The following OTUD5 variants were observed in gnomAD, a reference collection of about 807,000 sequenced individuals.
OTUD5 encodes OTU domain-containing protein 5.
In OTUD5, 2 loss-of-function variants were observed where a neutral mutation model predicts 36.3. The observed-to-expected ratio is 0.06, with a 90% confidence interval of 0.02 to 0.17. The LOEUF is 0.17. OTUD5 is among the 10% of genes least tolerant of loss of function. The pLI is 1.00. For missense variants in OTUD5, 233 were observed against 512.3 expected (o/e 0.45, Z 5.26); for synonymous variants, 234 against 214.9 (o/e 1.09, Z -0.78).
intron 1 of OTUD5, among the ~76,000 whole-genome samples, chrX:48,945,040 G>C (rs1249079878): frequency 9.3e-6 from 1 of 108,043 alleles, no homozygotes; most frequent in African/African-American, 3.4e-5. Context: ...AAAAAAAAGA[G>C]ATATACTCTA....
intron 5 of OTUD5, among the ~76,000 whole-genome samples, chrX:48,927,971 A>C (rs1455521590): frequency 1.8e-5 from 2 of 112,594 alleles, no homozygotes; most frequent in Non-Finnish European, 3.8e-5. Flanking sequence ...AGGAAGTCAC[A>C]AACACAATTC....
At position 48,953,761 on chromosome X, in the gene OTUD5, C is replaced by T. The variant is rs1229340707; in HGVS notation, c.594+3216G>A. On this transcript the variant is annotated intron_variant, in intron 1 of 8. Transcript: ENST00000376488. ...CCCTGACATCACCACCCACCCAGCA[C>T]CTGGACCCCAGAGTGCCAAAAAGAC... is the stretch of plus-strand genomic sequence containing the variant. Among the ~76,000 whole-genome samples, 3 of 111,330 alleles carry T rather than the reference C, an allele frequency of 2.7e-5. No homozygotes were observed. In the Admixed American group the frequency reaches 2.9e-4, roughly 11 times the overall value.
intron 1 of OTUD5, among the ~76,000 whole-genome samples, chrX:48,950,048 G>A (rs1557053403): frequency 3.7e-5 from 4 of 107,071 alleles, no homozygotes; most frequent in Non-Finnish European, 7.7e-5. Context: ...ACTCAGGAGG[G>A]TGAGGCAGGA....
intron 5 of OTUD5, among the ~76,000 whole-genome samples, chrX:48,930,619 T>G (rs2147561660): frequency 8.9e-6 from 1 of 112,013 alleles, no homozygotes; most frequent in African/African-American, 3.2e-5. Flanking sequence ...ACCTAGGTCT[T>G]GATTTCTGTT....
At chrX:48,935,162 G>T in intron 2 of OTUD5, 144 bp from the exon 3 acceptor site, 1 of 556,030 alleles carries the variant, frequency 1.8e-6, no homozygotes. Flanking sequence ...TCTTGCCCTT[G>T]TAGGCTAGAA....
intron 8 of OTUD5, 59 bp from the exon 9 acceptor site, chrX:48,923,354 C>T (rs908221415): frequency 1.4e-5 from 13 of 950,351 alleles, no homozygotes; most frequent in Admixed American, 4.7e-5. Flanking sequence ...GCCTTCTCCT[C>T]ACCCTGTGCC....
In OTUD5 at chrX:48,930,271, G is replaced by A. The variant is rs185201802; in HGVS notation, c.1059+4193C>T. On this transcript the variant is annotated intron_variant, in intron 5 of 8. Transcript: ENST00000376488. ...ATAAAGTTGTTTCCCACGGGGGTAC[G>A]GGTGAACAAGTGTGATTCTGCTACG... is the stretch of plus-strand genomic sequence containing the variant. Among the ~76,000 whole-genome samples, 35 of 111,875 alleles carry A rather than the reference G, an allele frequency of 3.1e-4. 1 individual carries two copies. Among genetic ancestry groups the A allele is most frequent in the Non-Finnish European group, 6.2e-4 (33 of 53,124 alleles).
At chrX:48,935,528 A>G (rs1227818234) in intron 2 of OTUD5, among the ~76,000 whole-genome samples, 2 of 111,147 alleles carry the variant, frequency 1.8e-5, no homozygotes, top group African/African-American at 6.5e-5. Context: ...CAAAAAAAGG[A>G]AAGAAAAAAA....
chrX:48,950,843 T>A (rs1399295193), intron 1 of OTUD5, among the ~76,000 whole-genome samples: 2 of 109,973 alleles, frequency 1.8e-5, no homozygotes, highest in Non-Finnish European at 3.8e-5. Flanking sequence ...ATTACAGGGG[T>A]GAGCCACCGC....
intron 2 of OTUD5, among the ~76,000 whole-genome samples, chrX:48,942,244 T>TACACACACAC (rs1188711919): frequency 0.18 from 10,036 of 56,917 alleles, 1,322 homozygotes; most frequent in East Asian, 0.38. Flanking sequence ...CACACACACA[T>TACACACACAC]ACACACACAC....
chrX:48,942,119 T>C (rs2063934514), intron 2 of OTUD5, among the ~76,000 whole-genome samples: 1 of 109,370 alleles, frequency 9.1e-6, no homozygotes, highest in Non-Finnish European at 1.9e-5. Context: ...TAGATACATA[T>C]AGACACACAC....
chrX:48,945,049 T>C (rs2063999298), intron 1 of OTUD5, among the ~76,000 whole-genome samples: 1 of 108,739 alleles, frequency 9.2e-6, no homozygotes, highest in Admixed American at 9.9e-5. Context: ...AGATATACTC[T>C]AGAAGGCAAA....
intron 5 of OTUD5, among the ~76,000 whole-genome samples, chrX:48,928,190 C>CT (rs1210271143): frequency 6.2e-5 from 7 of 112,251 alleles, no homozygotes; most frequent in Non-Finnish European, 1.3e-4. Flanking sequence ...AATACAGCCA[C>CT]TTGGGAAGAC....
chrX:48,953,799 T>C (rs1439017816), intron 1 of OTUD5, among the ~76,000 whole-genome samples: 1 of 110,734 alleles, frequency 9.0e-6, no homozygotes, highest in Non-Finnish European at 1.9e-5. Context: ...CTAAAGGAAG[T>C]AGGGATACAA....
chrX:48,922,947 T>C lies in OTUD5; in HGVS notation c.*227A>G. Reference sequence around the variant, plus strand: ...AGGGATGGTTCTGTGCGGGATGGGGTGGGGGGCAACAGGGCACATCAGCTG... The same window carrying C: ...AGGGATGGTTCTGTGCGGGATGGGGCGGGGGGCAACAGGGCACATCAGCTG... On this transcript the variant is annotated 3_prime_UTR_variant, in exon 9 of 9. Coordinates refer to ENST00000376488, the MANE Select transcript of OTUD5 (RefSeq NM_001136157.2). The C allele has an allele frequency of 9.7e-7, 1 of 1,036,194 alleles. No homozygotes were observed. The highest frequency in any genetic ancestry group is 1.2e-6 in the Non-Finnish European group (1 of 809,670). The allele number at this position is 1,036,194 out of a possible 1,213,427, so 85.4% of individuals were successfully genotyped here.
At chrX:48,945,266 C>CTTTT (rs139382090) in intron 1 of OTUD5, among the ~76,000 whole-genome samples, 13 of 73,239 alleles carry the variant, frequency 1.8e-4, no homozygotes, top group African/African-American at 2.3e-4. Flanking sequence ...AAAATCAAGT[C>CTTTT]TTTTTTTTTT....
chrX:48,942,299 TACACACAC>T (rs61325018), intron 2 of OTUD5, among the ~76,000 whole-genome samples: 68 of 55,010 alleles, frequency 1.2e-3, no homozygotes, highest in African/African-American at 4.2e-3. Context: ...GCTAGCTAGA[TACACACAC>T]ACACACACAC....
At position 48,923,700 on chromosome X, in the gene OTUD5, G is replaced by C. The variant is rs782629820; in HGVS notation, c.1512C>G (p.Pro504=). 8.3e-6 allele frequency: 10 copies of C among 1,208,071 alleles called. No individual in the cohort carries two copies. The highest frequency in any genetic ancestry group is 2.3e-4 in the Middle Eastern group (1 of 4,367). Residue 504 remains proline (P), a synonymous_variant, in exon 8 of 9, where the codon CCC becomes CCG. Transcript: ENST00000376488. The stretch of plus-strand genomic sequence containing the variant: ...CCAAAGCAGGGTAGAGGGACACAAG[G>C]GGGGAAGTTGCCCGGTCGGCCCCTG... ...FSAGADRATS[P]LVSLYPALEC...
chrX:48,925,573 C>CAA (rs1160625914), intron 6 of OTUD5, among the ~76,000 whole-genome samples: 2 of 111,956 alleles, frequency 1.8e-5, no homozygotes, highest in African/African-American at 3.2e-5. Flanking sequence ...CAAGGGCAGT[C>CAA]AACAAAAGCT....
Sources: allele counts gnomAD v4.1 joint callset (sites outside exome capture counted in the v4.1 genomes callset), GRCh38; gene constraint gnomAD v4.1.1; transcripts MANE v1.5; gene names NCBI Gene and HGNC (gene_info 2026-07-23, HGNC 2026-07-21).